The following BMPR1B variants were observed in gnomAD, a reference collection of about 807,000 sequenced individuals.
BMPR1B encodes bone morphogenetic protein receptor type 1B, also known as bone morphogenetic protein receptor type-1B.
Under a neutral mutation model 59.1 loss-of-function variants are expected in BMPR1B, and 12 were observed. That is an observed-to-expected ratio of 0.20 (90% CI 0.13 to 0.33). The LOEUF (loss-of-function observed/expected upper bound fraction) is 0.33. Ranked by LOEUF, BMPR1B falls within the 10% of genes least tolerant of loss-of-function variation. The probability of loss-of-function intolerance (pLI) is 1.00; values close to 1 mark genes in which losing one functional copy is unlikely to be tolerated. For missense variants in BMPR1B, 550 were observed against 610.9 expected, an observed-to-expected ratio of 0.90 and a Z score of 1.05; for synonymous variants, 237 against 207.3, an observed-to-expected ratio of 1.14 and a Z score of -1.23.
intron 3 of BMPR1B, among the ~76,000 whole-genome samples, chr4:95,084,108 C>A (rs1254514128): frequency 6.6e-6 from 1 of 151,622 alleles, no homozygotes; most frequent in Non-Finnish European, 1.5e-5. Context: ...TGTAATATTC[C>A]CTAAATATGT....
intron 1 of BMPR1B, among the ~76,000 whole-genome samples, chr4:94,790,518 T>C (rs960253745): frequency 6.6e-6 from 1 of 152,128 alleles, no homozygotes; most frequent in Non-Finnish European, 1.5e-5. Flanking sequence ...TTCTCCCTTT[T>C]CCCCGGCGTT....
intron 3 of BMPR1B, among the ~76,000 whole-genome samples, chr4:95,096,844 A>ATT (rs1730438137): frequency 7.1e-6 from 1 of 141,632 alleles, no homozygotes; most frequent in Non-Finnish European, 1.5e-5. Context: ...ATATAAATAT[A>ATT]TAGGTATATA....
At chr4:94,865,539 C>T (rs898998617) in intron 1 of BMPR1B, among the ~76,000 whole-genome samples, 5 of 151,776 alleles carry the variant, frequency 3.3e-5, no homozygotes, top group Admixed American at 6.6e-5. Context: ...TACAGGCGCT[C>T]GCCGCCACCC....
At chr4:94,850,828 A>ATC (rs1270370399) in intron 1 of BMPR1B, among the ~76,000 whole-genome samples, 2 of 151,932 alleles carry the variant, frequency 1.3e-5, no homozygotes, top group African/African-American at 4.8e-5. Flanking sequence ...TGTATCTTAA[A>ATC]TCTCTCTCTC....
At chr4:95,106,801 A>G (rs1171297051) in intron 4 of BMPR1B, among the ~76,000 whole-genome samples, 1 of 152,020 alleles carries the variant, frequency 6.6e-6, no homozygotes, top group African/African-American at 2.4e-5. Flanking sequence ...GTGGCTTATA[A>G]TTAAAAACAC....
intron 10 of BMPR1B, 134 bp from the exon 11 acceptor site, chr4:95,148,614 G>A (rs1734812482): frequency 1.1e-6 from 1 of 898,692 alleles, no homozygotes; most frequent in Admixed American, 2.1e-5. Context: ...TATTCTTTAA[G>A]AAATTGTTTT....
chr4:95,096,110 T>G (rs1346197842), intron 3 of BMPR1B, among the ~76,000 whole-genome samples: 1 of 150,620 alleles, frequency 6.6e-6, no homozygotes, highest in African/African-American at 2.4e-5. Context: ...TATAGAAATA[T>G]TTTTAAAATA....
At chr4:94,879,540 C>CTACA (rs1726875797) in intron 2 of BMPR1B, among the ~76,000 whole-genome samples, 1 of 152,092 alleles carries the variant, frequency 6.6e-6, no homozygotes, top group Non-Finnish European at 1.5e-5. Flanking sequence ...GAGGTTGAGG[C>CTACA]TACAGTGAGC....
intron 3 of BMPR1B, among the ~76,000 whole-genome samples, chr4:95,043,185 A>G (rs1725790710): frequency 7.1e-6 from 1 of 140,034 alleles, no homozygotes; most frequent in Non-Finnish European, 1.5e-5. Context: ...CCGTCTCAAA[A>G]AAAAAAAAAA....
At chr4:95,072,523 TA>T (rs1728386998) in intron 3 of BMPR1B, among the ~76,000 whole-genome samples, 2 of 152,134 alleles carry the variant, frequency 1.3e-5, no homozygotes, top group Admixed American at 1.3e-4. Context: ...AGGTAACACT[TA>T]ATAGAGACCA....
intron 3 of BMPR1B, among the ~76,000 whole-genome samples, chr4:95,099,739 G>A (rs544301563): frequency 1.2e-4 from 19 of 152,114 alleles, no homozygotes; most frequent in African/African-American, 4.3e-4. Flanking sequence ...ACCTCTTTTC[G>A]TTGTTTTGGC....
intron 3 of BMPR1B, among the ~76,000 whole-genome samples, chr4:95,033,332 G>A (rs1465379604): frequency 6.6e-6 from 1 of 150,430 alleles, no homozygotes; most frequent in African/African-American, 2.4e-5. Context: ...TGTTACCTGT[G>A]CTTTTGGTGT....
chr4:95,092,003 A>G (rs921186724), intron 3 of BMPR1B, among the ~76,000 whole-genome samples: 4 of 152,032 alleles, frequency 2.6e-5, no homozygotes, highest in Non-Finnish European at 5.9e-5. Context: ...TTGTGGTTAA[A>G]TTTTTTATAG....
At chr4:95,119,739 T>C (rs113618873) in intron 6 of BMPR1B, among the ~76,000 whole-genome samples, 4,776 of 152,262 alleles carry the variant, frequency 0.031, 237 homozygotes, top group African/African-American at 0.1. Flanking sequence ...ATTAATATTT[T>C]GCAACTATTA....
chr4:94,835,496 A>T (rs999804604), intron 1 of BMPR1B, among the ~76,000 whole-genome samples: 2 of 152,210 alleles, frequency 1.3e-5, no homozygotes, highest in Admixed American at 1.3e-4. Context: ...TGACCCTGTA[A>T]TAAGCTTAAC....
intron 3 of BMPR1B, among the ~76,000 whole-genome samples, chr4:95,085,959 C>T (rs1579053769): frequency 6.6e-6 from 1 of 151,016 alleles, no homozygotes; most frequent in African/African-American, 2.4e-5. Context: ...CCTGTTGACC[C>T]TCACTGTGGA....
intron 4 of BMPR1B, among the ~76,000 whole-genome samples, chr4:95,112,016 C>CTGAA (rs1731662938): frequency 1.3e-5 from 2 of 152,064 alleles, no homozygotes; most frequent in Non-Finnish European, 2.9e-5. Flanking sequence ...GCACTGGTGA[C>CTGAA]TGAATATCTT....
chr4:94,927,476 T>C (rs1728934926), intron 2 of BMPR1B, among the ~76,000 whole-genome samples: 1 of 152,128 alleles, frequency 6.6e-6, no homozygotes, highest in Non-Finnish European at 1.5e-5. Flanking sequence ...AAGAAATTGA[T>C]GTTTGAGTTT....
chr4:95,114,112 A>T (rs1191463343), intron 4 of BMPR1B, among the ~76,000 whole-genome samples: 1 of 152,142 alleles, frequency 6.6e-6, no homozygotes, highest in Non-Finnish European at 1.5e-5. Context: ...AAGCAGAGGT[A>T]CTAAATGTCA....
Sources: allele counts gnomAD v4.1 joint callset (sites outside exome capture counted in the v4.1 genomes callset), GRCh38; gene constraint gnomAD v4.1.1; transcripts MANE v1.5; gene names NCBI Gene and HGNC (gene_info 2026-07-23, HGNC 2026-07-21).